Variants in KIAA0825 observed in about 807,000 individuals in gnomAD.
The protein encoded by KIAA0825 is KIAA0825.
In KIAA0825, 119 loss-of-function variants were observed where a neutral mutation model predicts 147.6. The ratio of observed to expected loss-of-function variants is 0.81; its 90% CI spans 0.69 to 0.94. The LOEUF (loss-of-function observed/expected upper bound fraction) is 0.94, where lower values mean the gene tolerates loss of function less well. Ranked by LOEUF, KIAA0825 falls within the 40% of genes least tolerant of loss-of-function variation. The pLI is 0.00. For synonymous variants in KIAA0825, 470 were observed against 518.1 expected (o/e 0.91, Z 1.26); for missense variants, 1,381 against 1,472.7 (o/e 0.94, Z 1.02).
chr5:94,536,821 G>A (rs555790127), intron 3 of KIAA0825, among the ~76,000 whole-genome samples, 175 bp downstream of exon 3: 11 of 152,070 alleles, frequency 7.2e-5, no homozygotes, highest in African/African-American at 2.4e-4. Flanking sequence ...ATACTACTCA[G>A]ATAAAGACAA....
At chr5:94,431,471 ACAGTGGCTGAAGTAGACATTAAATAC>A (rs1210571362) in intron 14 of KIAA0825, among the ~76,000 whole-genome samples, 4 of 152,252 alleles carry the variant, frequency 2.6e-5, no homozygotes, top group African/African-American at 7.2e-5. Context: ...CCTAAAACTC[ACAGTGGCTGAAGTAGACATTAAATAC>A]CAATTACGTC....
intron 20 of KIAA0825, among the ~76,000 whole-genome samples, chr5:94,158,503 T>C (rs1767255029): frequency 6.6e-6 from 1 of 152,114 alleles, no homozygotes; most frequent in Non-Finnish European, 1.5e-5. Flanking sequence ...TGTGCAACAA[T>C]CCCACACAAT....
At chr5:94,413,004 G>A (rs1243213560) in intron 15 of KIAA0825, 3 of 150,422 alleles carry the variant, frequency 2.0e-5, no homozygotes, top group African/African-American at 7.4e-5. Flanking sequence ...GCCCAGGCTG[G>A]GGTGCAATGG....
intron 2 of KIAA0825, among the ~76,000 whole-genome samples, chr5:94,559,896 A>G (rs1012122457): frequency 6.6e-6 from 1 of 152,176 alleles, no homozygotes; most frequent in Non-Finnish European, 1.5e-5. Context: ...GGAAACAGAA[A>G]TGGCCCTGCA....
At chr5:94,577,425 T>C (rs1446442223) in intron 2 of KIAA0825, among the ~76,000 whole-genome samples, 2 of 152,190 alleles carry the variant, frequency 1.3e-5, no homozygotes, top group Non-Finnish European at 2.9e-5. Flanking sequence ...GTCTTTACCT[T>C]TACTGCAGGG....
chr5:94,222,121 G>A (rs1182077435), intron 20 of KIAA0825, among the ~76,000 whole-genome samples: 3 of 152,144 alleles, frequency 2.0e-5, no homozygotes, highest in Non-Finnish European at 2.9e-5. Context: ...AAAAATCACC[G>A]ATTATAACCA....
intron 20 of KIAA0825, among the ~76,000 whole-genome samples, chr5:94,309,366 A>C (rs1778960467): frequency 1.3e-5 from 2 of 151,768 alleles, no homozygotes; most frequent in Admixed American, 1.3e-4. Flanking sequence ...CCAGCTGTTC[A>C]GTGTCCAGTG....
intron 1 of KIAA0825, 30 bp from the exon 2 acceptor site, chr5:94,582,613 C>T (rs1782409007): frequency 6.6e-6 from 1 of 152,048 alleles, no homozygotes; most frequent in African/African-American, 2.4e-5. Flanking sequence ...AGCTTTATCA[C>T]TGCCACAATG....
At chr5:94,271,983 T>C (rs909612024) in intron 20 of KIAA0825, among the ~76,000 whole-genome samples, 5 of 151,714 alleles carry the variant, frequency 3.3e-5, no homozygotes, top group Non-Finnish European at 7.4e-5. Flanking sequence ...ACTATTCAGT[T>C]ATAAAAACAA....
At chr5:94,238,715 A>G (rs1583940321) in intron 20 of KIAA0825, among the ~76,000 whole-genome samples, 1 of 146,556 alleles carries the variant, frequency 6.8e-6, no homozygotes, top group East Asian at 1.9e-4. Context: ...TCAACACAAT[A>G]TATCAACAGT....
rs57646287 is a variant in KIAA0825 at position 94,255,707 on chromosome 5, CTTTTTTTTTTTTTTTT to C, written c.3711-101599_3711-101584del. Among the ~76,000 whole-genome samples the C allele has an allele frequency of 4.8e-4, 23 of 47,798 alleles. 1 individual carries two copies. The highest frequency in any genetic ancestry group is 7.6e-4 in the Non-Finnish European group (20 of 26,300). 31.4% of individuals were successfully genotyped at this position (47,798 alleles called of 152,430 possible). ...TACTTAGAACTTTTCAGAATTATGGCTTTTTTTTTTTTTTTTTTTTTTTTTTTTTGAGACAGGGTCT... is the reference window on the plus strand; with the variant it reads ...TACTTAGAACTTTTCAGAATTATGGCTTTTTTTTTTTTTGAGACAGGGTCT... On this transcript the variant is annotated intron_variant, in intron 20 of 20. Coordinates refer to ENST00000682413, the MANE Select transcript of KIAA0825 (RefSeq NM_001145678.3).
At chr5:94,529,798 T>C (rs1163111513) in intron 3 of KIAA0825, among the ~76,000 whole-genome samples, 2 of 152,170 alleles carry the variant, frequency 1.3e-5, no homozygotes, top group Non-Finnish European at 2.9e-5. Flanking sequence ...TTCATCTAAC[T>C]TTACACTAGT....
chr5:94,299,904 A>C (rs1161684998), intron 20 of KIAA0825, among the ~76,000 whole-genome samples: 1 of 147,194 alleles, frequency 6.8e-6, no homozygotes, highest in Non-Finnish European at 1.5e-5. Context: ...AGAAATAAAA[A>C]CATCTTTCTT....
intron 12 of KIAA0825, among the ~76,000 whole-genome samples, chr5:94,456,678 A>T: frequency 6.6e-6 from 1 of 152,182 alleles, no homozygotes; most frequent in East Asian, 1.9e-4. Context: ...AAATCACCTC[A>T]CAGAGTCAGT....
intron 20 of KIAA0825, among the ~76,000 whole-genome samples, chr5:94,219,694 A>G (rs556527691): frequency 6.6e-6 from 1 of 152,290 alleles, no homozygotes; most frequent in Admixed American, 6.5e-5. Context: ...ACTGTAGGTC[A>G]TTGTAACACA....
intron 16 of KIAA0825, 65 bp downstream of exon 16, chr5:94,403,504 G>A: frequency 8.2e-7 from 1 of 1,215,792 alleles, no homozygotes; most frequent in African/African-American, 1.5e-5. Flanking sequence ...AATTTTACTT[G>A]ATTACATACC....
At chr5:94,322,972 T>A (rs1442048799) in intron 20 of KIAA0825, among the ~76,000 whole-genome samples, 1 of 151,960 alleles carries the variant, frequency 6.6e-6, no homozygotes. Flanking sequence ...TTGGGTTTTT[T>A]AAATGGCTTA....
chr5:94,535,613 T>A (rs1771845354), intron 3 of KIAA0825, among the ~76,000 whole-genome samples: 1 of 152,096 alleles, frequency 6.6e-6, no homozygotes, highest in African/African-American at 2.4e-5. Context: ...TTGTCAGCTT[T>A]GTGACCCAAG....
At chr5:94,539,284 A>G (rs910565174) in intron 2 of KIAA0825, among the ~76,000 whole-genome samples, 9 of 152,224 alleles carry the variant, frequency 5.9e-5, no homozygotes, top group Non-Finnish European at 1.0e-4. Context: ...ATGGGCAACC[A>G]GCAGCCCATG....
Sources: gnomAD v4.1 joint callset for allele counts (sites outside exome capture counted in the v4.1 genomes callset) on GRCh38, gnomAD v4.1.1 for gene constraint, MANE v1.5 for transcripts, NCBI Gene and HGNC (gene_info 2026-07-23, HGNC 2026-07-21) for gene names.